The following CTNND2 variants were observed in gnomAD, a reference collection of about 807,000 sequenced individuals.
CTNND2 encodes catenin delta-2.
A neutral mutation model predicts 144.4 loss-of-function variants in CTNND2; 22 were observed. The ratio of observed to expected loss-of-function variants is 0.15; its 90% CI spans 0.11 to 0.22. The LOEUF (loss-of-function observed/expected upper bound fraction) is 0.22, where lower values mean the gene tolerates loss of function less well. Among genes scored for constraint, CTNND2 ranks in the 10% least tolerant of loss-of-function variants. The pLI, the probability that CTNND2 is intolerant of heterozygous loss-of-function variation, is 1.00. For missense variants in CTNND2, 1,353 were observed against 1,618.8 expected (o/e 0.84, Z 2.82); for synonymous variants, 751 against 695.6 (o/e 1.08, Z -1.25).
chr5:11,219,543 A>G (rs1739561706), intron 10 of CTNND2, among the ~76,000 whole-genome samples: 2 of 152,188 alleles, frequency 1.3e-5, no homozygotes, highest in African/African-American at 4.8e-5. Flanking sequence ...GACCTTACAT[A>G]GCAAAAGGGA....
chr5:10,984,691 TCA>T (rs1737716610), intron 20 of CTNND2, among the ~76,000 whole-genome samples: 1 of 152,156 alleles, frequency 6.6e-6, no homozygotes, highest in Admixed American at 6.5e-5. Flanking sequence ...AATAGTGGAC[TCA>T]CAGAAGAATG....
intron 3 of CTNND2, among the ~76,000 whole-genome samples, chr5:11,561,736 G>A (rs1776698923): frequency 1.3e-5 from 2 of 152,220 alleles, no homozygotes; most frequent in African/African-American, 2.4e-5. Context: ...AAATGTTGAT[G>A]TGACTACCTG....
In CTNND2 at chr5:11,770,000, A is replaced by C. The variant is rs4323234; in HGVS notation, c.38-37728T>G. 3.3e-5 allele frequency among the ~76,000 whole-genome samples: 5 copies of C among 152,176 alleles called. No homozygotes were observed. In the South Asian group the frequency reaches 1.0e-3, roughly 32 times the overall value. ...GTATATTTTCAGAAGTATATTCTGGAAGAATTCAGGGGGAAAGTATGGAAT... is the reference window on the plus strand; with the variant it reads ...GTATATTTTCAGAAGTATATTCTGGCAGAATTCAGGGGGAAAGTATGGAAT... On this transcript the variant is annotated intron_variant, in intron 1 of 21. Coordinates refer to ENST00000304623, the MANE Select transcript of CTNND2 (RefSeq NM_001332.4).
intron 12 of CTNND2, among the ~76,000 whole-genome samples, chr5:11,153,943 G>A (rs1757982245): frequency 6.6e-6 from 1 of 152,140 alleles, no homozygotes; most frequent in South Asian, 2.1e-4. Flanking sequence ...GTTTTATTGA[G>A]CTAGCTGCTA....
intron 2 of CTNND2, among the ~76,000 whole-genome samples, chr5:11,692,062 G>A (rs1375913813): frequency 3.9e-5 from 6 of 152,104 alleles, no homozygotes; most frequent in African/African-American, 1.4e-4. Context: ...TTAAAAAAAA[G>A]TTTTCCTAAT....
At chr5:11,162,630 C>G (rs1357511897) in intron 11 of CTNND2, among the ~76,000 whole-genome samples, 1 of 152,126 alleles carries the variant, frequency 6.6e-6, no homozygotes, top group Non-Finnish European at 1.5e-5. Flanking sequence ...TGCAATGAAT[C>G]TCTATCAAGC....
intron 2 of CTNND2, among the ~76,000 whole-genome samples, chr5:11,653,602 T>C (rs533537862): frequency 2.3e-4 from 35 of 152,088 alleles, no homozygotes; most frequent in Non-Finnish European, 4.4e-4. Context: ...TTTGTAAATA[T>C]TGAATTATAT....
chr5:11,216,994 C>T (rs1340991141), intron 10 of CTNND2, among the ~76,000 whole-genome samples: 1 of 152,106 alleles, frequency 6.6e-6, no homozygotes, highest in Non-Finnish European at 1.5e-5. Flanking sequence ...TCTGATAGGA[C>T]CAAGGCAATC....
At chr5:11,801,828 T>C (rs1450518867) in intron 1 of CTNND2, among the ~76,000 whole-genome samples, 3 of 152,194 alleles carry the variant, frequency 2.0e-5, no homozygotes, top group Admixed American at 2.0e-4. Flanking sequence ...ATGTGTATTT[T>C]ACAGTGATTT....
At chr5:11,533,771 C>T (rs1388657698) in intron 3 of CTNND2, among the ~76,000 whole-genome samples, 1 of 152,202 alleles carries the variant, frequency 6.6e-6, no homozygotes, top group Non-Finnish European at 1.5e-5. Flanking sequence ...GTCTGGCCAA[C>T]ACGAAGATTC....
intron 3 of CTNND2, among the ~76,000 whole-genome samples, chr5:11,443,183 T>TG (rs34676953): frequency 5.3e-5 from 8 of 150,654 alleles, no homozygotes; most frequent in African/African-American, 1.9e-4. Flanking sequence ...TTGTGTGGTG[T>TG]GTGGTGTGTG....
chr5:11,448,329 T>G (rs1459811888), intron 3 of CTNND2, among the ~76,000 whole-genome samples: 1 of 152,172 alleles, frequency 6.6e-6, no homozygotes, highest in Non-Finnish European at 1.5e-5. Flanking sequence ...AAATTTAGTT[T>G]AAATTACTTT....
In CTNND2 at chr5:11,018,727, T is replaced by G. The variant is rs921269603; in HGVS notation, c.3000-669A>C. Among the ~76,000 whole-genome samples the G allele has an allele frequency of 5.3e-5, 8 of 151,018 alleles. No individual in the cohort carries two copies. The South Asian group carries it at 1.7e-3, about 32-fold the overall frequency. ...TGACTCTTTTTTTTTTTTTTTTTTTTTGAGACTGAGTCTTGCTCTGTTGCC... is the reference window on the plus strand; with the variant it reads ...TGACTCTTTTTTTTTTTTTTTTTTTGTGAGACTGAGTCTTGCTCTGTTGCC... On this transcript the variant is annotated intron_variant, in intron 17 of 21. Transcript: ENST00000304623.
chr5:11,541,317 A>T (rs1217006021), intron 3 of CTNND2, among the ~76,000 whole-genome samples: 1 of 152,218 alleles, frequency 6.6e-6, no homozygotes, highest in Non-Finnish European at 1.5e-5. Context: ...GAACACACTT[A>T]AAATTACTTT....
intron 21 of CTNND2, among the ~76,000 whole-genome samples, 165 bp downstream of exon 21, chr5:10,981,602 CACACAG>C (rs937386594): frequency 1.5e-3 from 235 of 152,156 alleles, no homozygotes; most frequent in African/African-American, 4.6e-3. Flanking sequence ...CACACACACA[CACACAG>C]AGACACACAC....
chr5:11,595,915 C>T (rs1395385512), intron 2 of CTNND2, among the ~76,000 whole-genome samples: 1 of 152,142 alleles, frequency 6.6e-6, no homozygotes, highest in Non-Finnish European at 1.5e-5. Flanking sequence ...TCCTAAAATG[C>T]CACAATGCAC....
intron 18 of CTNND2, among the ~76,000 whole-genome samples, chr5:11,008,323 G>T (rs1740701261): frequency 6.6e-6 from 1 of 152,152 alleles, no homozygotes; most frequent in Non-Finnish European, 1.5e-5. Context: ...ATCCCAGTAG[G>T]CCCAATGTCA....
At chr5:11,514,660 A>C (rs182673248) in intron 3 of CTNND2, among the ~76,000 whole-genome samples, 85 of 152,330 alleles carry the variant, frequency 5.6e-4, no homozygotes, top group Admixed American at 5.6e-3. Flanking sequence ...GTGACAGTTG[A>C]CACACAGGAG....
chr5:11,210,384 G>A (rs1423608812), intron 10 of CTNND2, among the ~76,000 whole-genome samples: 1 of 152,120 alleles, frequency 6.6e-6, no homozygotes, highest in Non-Finnish European at 1.5e-5. Context: ...GATGACAGAG[G>A]AAGACTCTGT....
Sources: allele counts gnomAD v4.1 joint callset (sites outside exome capture counted in the v4.1 genomes callset), GRCh38; gene constraint gnomAD v4.1.1; transcripts MANE v1.5; gene names NCBI Gene and HGNC (gene_info 2026-07-23, HGNC 2026-07-21).